Variants in PMS1 observed in about 807,000 individuals in gnomAD.
PMS1 encodes the protein PMS1 homolog 1, mismatch repair system component.
PMS1 carries 79 observed loss-of-function variants against 93.1 expected under a neutral mutation model. The ratio of observed to expected loss-of-function variants is 0.85; its 90% confidence interval spans 0.71 to 1.02. The LOEUF is 1.02. Among genes scored for constraint, PMS1 ranks in the 50% least tolerant of loss-of-function variants. PMS1 has a pLI of 0.00. For synonymous variants in PMS1, 335 were observed against 363.4 expected (o/e 0.92, Z 0.89); for missense variants, 1,064 against 1,085.3 (o/e 0.98, Z 0.28).
chr2:189,831,472 G>T (rs949356080), intron 5 of PMS1, among the ~76,000 whole-genome samples: 1 of 152,204 alleles, frequency 6.6e-6, no homozygotes. Flanking sequence ...TTATGAGGAA[G>T]AATCAATGGG....
In PMS1 at chr2:189,877,421, TC is replaced by T. The variant is rs1341032115; in HGVS notation, c.2786del (p.Pro929GlnfsTer6). On this transcript the variant is annotated frameshift_variant, in exon 13 of 13. Transcript: ENST00000441310. LOFTEE classifies it high-confidence loss of function. ...CATTTTTTCATCATTTAACCTATCT[TC>T]CAGAAACTACATGATTAAATATGTT... ...RPFFHHLTYL[P>X]ETT is the part of the protein sequence containing the mutation. The T allele has an allele frequency of 6.2e-7, 1 of 1,610,376 alleles. No homozygotes were observed. The highest frequency in any genetic ancestry group is 1.1e-5 in the South Asian group (1 of 91,020).
chr2:189,797,186 C>T (rs538977137), intron 3 of PMS1, among the ~76,000 whole-genome samples: 4 of 152,094 alleles, frequency 2.6e-5, no homozygotes, highest in South Asian at 2.1e-4. Flanking sequence ...CCACTCTAAC[C>T]GGTACAGTTA....
intron 5 of PMS1, among the ~76,000 whole-genome samples, chr2:189,825,022 CTTTA>C (rs554211441): frequency 1.8e-3 from 279 of 151,976 alleles, no homozygotes; most frequent in African/African-American, 6.3e-3. Flanking sequence ...ATATTGTTGT[CTTTA>C]TTTTTTTTCT....
chr2:189,842,991 T>TATGTGTGTGTGTA (rs1404236168), intron 5 of PMS1, among the ~76,000 whole-genome samples: 1 of 137,132 alleles, frequency 7.3e-6, no homozygotes, highest in East Asian at 2.0e-4. Flanking sequence ...CACACACATA[T>TATGTGTGTGTGTA]ATGTGTGTGT....
chr2:189,862,627 G>A (rs990539628), intron 9 of PMS1, among the ~76,000 whole-genome samples: 2 of 152,112 alleles, frequency 1.3e-5, no homozygotes, highest in African/African-American at 4.8e-5. Flanking sequence ...TGTTCTACCA[G>A]GTATTTAAAT....
At chr2:189,797,621 G>A (rs757022950) in intron 3 of PMS1, among the ~76,000 whole-genome samples, 1 of 152,146 alleles carries the variant, frequency 6.6e-6, no homozygotes, top group East Asian at 1.9e-4. Flanking sequence ...TTTGTGCTTA[G>A]GCTGGCAGAC....
intron 5 of PMS1, among the ~76,000 whole-genome samples, chr2:189,836,372 T>C (rs1287223633): frequency 6.6e-6 from 1 of 152,222 alleles, no homozygotes; most frequent in Non-Finnish European, 1.5e-5. Flanking sequence ...ATCCAGGTGC[T>C]CCAACTTTGT....
At chr2:189,809,673 G>C (rs1245032679) in intron 4 of PMS1, among the ~76,000 whole-genome samples, 1 of 151,922 alleles carries the variant, frequency 6.6e-6, no homozygotes, top group South Asian at 2.1e-4. Context: ...GTGAAACCCT[G>C]TCTCTCCTAA....
chr2:189,841,522 T>G (rs578059283), intron 5 of PMS1, among the ~76,000 whole-genome samples: 1 of 152,186 alleles, frequency 6.6e-6, no homozygotes, highest in East Asian at 1.9e-4. Flanking sequence ...TCCAGGAGAG[T>G]GCATTCCTTC....
intron 4 of PMS1, among the ~76,000 whole-genome samples, chr2:189,811,683 A>G (rs1241362047): frequency 6.6e-6 from 1 of 152,232 alleles, no homozygotes; most frequent in African/African-American, 2.4e-5. Context: ...ATACAAAGCC[A>G]CATACCAAAG....
Position 189,854,783 on chromosome 2 carries a change from T to A in PMS1, c.1511T>A (p.Leu504His). The A allele has an allele frequency of 6.2e-7, 1 of 1,613,754 alleles. No individual in the cohort carries two copies. Among genetic ancestry groups the A allele is most frequent in the Non-Finnish European group, 8.5e-7 (1 of 1,179,776 alleles). ...GATGAGTGGAGCAGGGGAAATATAC[T>A]TAAAAATTCAGTGGGAGAGAATATT... ...SADEWSRGNI[L>H]KNSVGENIEP... is the part of the protein sequence containing the mutation. Residue 504 changes from leucine to histidine, a missense_variant, in exon 9 of 13, where the codon CTT becomes CAT. Coordinates refer to ENST00000441310, the MANE Select transcript of PMS1 (RefSeq NM_000534.5).
chr2:189,842,407 T>G (rs892246579), intron 5 of PMS1, among the ~76,000 whole-genome samples: 1 of 152,166 alleles, frequency 6.6e-6, no homozygotes, highest in Admixed American at 6.5e-5. Flanking sequence ...GTGAATTTGT[T>G]GAATTCTACC....
intron 5 of PMS1, among the ~76,000 whole-genome samples, chr2:189,821,839 A>ATTTATTTCTTC (rs2051923594): frequency 1.3e-5 from 2 of 152,174 alleles, no homozygotes; most frequent in Non-Finnish European, 2.9e-5. Context: ...AATAGGTAAA[A>ATTTATTTCTTC]ACAAGATTAT....
At chr2:189,838,159 T>G (rs971410522) in intron 5 of PMS1, among the ~76,000 whole-genome samples, 2 of 152,182 alleles carry the variant, frequency 1.3e-5, no homozygotes, top group Non-Finnish European at 2.9e-5. Flanking sequence ...AGTATATGAA[T>G]TATACCTTAA....
At chr2:189,814,212 T>C (rs1231489253) in intron 4 of PMS1, among the ~76,000 whole-genome samples, 1 of 152,094 alleles carries the variant, frequency 6.6e-6, no homozygotes, top group Non-Finnish European at 1.5e-5. Context: ...GTTCTCACCA[T>C]GTTAGAACAT....
At chr2:189,871,511 A>G (rs140878703) in intron 11 of PMS1, among the ~76,000 whole-genome samples, 3 of 152,340 alleles carry the variant, frequency 2.0e-5, no homozygotes, top group East Asian at 1.9e-4. Flanking sequence ...CCAGTTTCCA[A>G]TAAATTCCTC....
chr2:189,868,404 T>A (rs1559330645), intron 11 of PMS1, among the ~76,000 whole-genome samples: 1 of 152,248 alleles, frequency 6.6e-6, no homozygotes, highest in Non-Finnish European at 1.5e-5. Context: ...GGTAAAAGAC[T>A]GATAACCCTC....
At chr2:189,869,574 T>C (rs2106535966) in intron 11 of PMS1, among the ~76,000 whole-genome samples, 1 of 152,258 alleles carries the variant, frequency 6.6e-6, no homozygotes, top group East Asian at 1.9e-4. Flanking sequence ...CCTAGCACTT[T>C]GGGAGGCCGA....
chr2:189,828,845 C>T (rs1488586830), intron 5 of PMS1, among the ~76,000 whole-genome samples: 1 of 136,914 alleles, frequency 7.3e-6, no homozygotes, highest in Admixed American at 7.6e-5. Context: ...GATTGGTAAA[C>T]AGTTTAATTC....
Sources: allele counts gnomAD v4.1 joint callset (sites outside exome capture counted in the v4.1 genomes callset), GRCh38; gene constraint gnomAD v4.1.1; transcripts MANE v1.5; gene names NCBI Gene and HGNC (gene_info 2026-07-23, HGNC 2026-07-21).